DNAH10: variants seen among roughly 807,000 people sequenced by gnomAD.
The protein encoded by DNAH10 is axonemal beta dynein heavy chain 10.
Under a neutral mutation model 506.6 loss-of-function variants are expected in DNAH10, and 348 were observed. The ratio of observed to expected loss-of-function variants is 0.69; its 90% CI spans 0.63 to 0.75. The LOEUF is 0.75. Among genes scored for constraint, DNAH10 ranks in the 30% least tolerant of loss-of-function variants. The pLI is 0.00. For synonymous variants in DNAH10, 2,059 were observed against 2,198.6 expected, an observed-to-expected ratio of 0.94 and a Z score of 1.78; for missense variants, 5,179 against 5,787.1, an observed-to-expected ratio of 0.89 and a Z score of 3.41.
chr12:123,910,076 GC>G (rs1416506733), intron 58 of DNAH10, among the ~76,000 whole-genome samples: 3 of 152,174 alleles, frequency 2.0e-5, no homozygotes, highest in Non-Finnish European at 4.4e-5. Context: ...CTTTTTCTTA[GC>G]CCCTTAAAAA....
At chr12:123,874,674 G>A (rs2137003793) in intron 46 of DNAH10, among the ~76,000 whole-genome samples, 1 of 151,760 alleles carries the variant, frequency 6.6e-6, no homozygotes, top group East Asian at 1.9e-4. Context: ...CATTATCAAT[G>A]TATGAATTAA....
chr12:123,795,124 G>C (rs1192706518), intron 12 of DNAH10, among the ~76,000 whole-genome samples: 1 of 145,262 alleles, frequency 6.9e-6, no homozygotes, highest in Admixed American at 7.0e-5. Flanking sequence ...CTCCAGCCTG[G>C]GCGACGAGTG....
intron 11 of DNAH10, among the ~76,000 whole-genome samples, chr12:123,792,012 C>G (rs911970328): frequency 6.6e-6 from 1 of 152,094 alleles, no homozygotes; most frequent in African/African-American, 2.4e-5. Context: ...TGGTTATTTT[C>G]TGATTTATTA....
At chr12:123,899,246 CCT>C (rs1245967841) in intron 56 of DNAH10, among the ~76,000 whole-genome samples, 2 of 152,148 alleles carry the variant, frequency 1.3e-5, no homozygotes, top group African/African-American at 4.8e-5. Context: ...CTTGGCCGAG[CCT>C]CTGTGTCACC....
chr12:123,783,663 G>T (rs904065070), intron 7 of DNAH10, among the ~76,000 whole-genome samples: 5 of 152,194 alleles, frequency 3.3e-5, no homozygotes, highest in Non-Finnish European at 5.9e-5. Context: ...CCCTTTCTAG[G>T]GGCTGGAGAG....
intron 5 of DNAH10, among the ~76,000 whole-genome samples, chr12:123,779,713 A>G (rs1241369389): frequency 6.6e-6 from 1 of 152,150 alleles, no homozygotes; most frequent in African/African-American, 2.4e-5. Context: ...GGAAATACAC[A>G]TCACAGAGGA....
chr12:123,799,210 A>G (rs1469630006), intron 13 of DNAH10, 36 bp from the exon 14 acceptor site: 4 of 1,577,652 alleles, frequency 2.5e-6, no homozygotes, highest in Non-Finnish European at 3.5e-6. Flanking sequence ...TGTTATTTTC[A>G]AGGACAAAAT....
At chr12:123,878,223 C>T (rs1332968675) in intron 48 of DNAH10, among the ~76,000 whole-genome samples, 2 of 152,202 alleles carry the variant, frequency 1.3e-5, no homozygotes, top group African/African-American at 4.8e-5. Flanking sequence ...GCCTTTTGCT[C>T]ACATAACTCA....
Position 123,929,262 on chromosome 12 carries a change from T to G in DNAH10, c.12307-13T>G. ...GCGGTCTCCATCACTGTGTGTTTTC[T>G]TCTCTTCTGAAGGTTGTCACCGAGC... is the stretch of plus-strand genomic sequence containing the variant. On this transcript the variant is annotated splice_polypyrimidine_tract_variant and intron_variant, in intron 70 of 78. Coordinates refer to ENST00000673944, the MANE Select transcript of DNAH10 (RefSeq NM_001372106.1). 2.5e-6 allele frequency: 4 copies of G among 1,574,734 alleles called. No individual in the cohort carries two copies. In the South Asian group the frequency reaches 3.5e-5, roughly 14 times the overall value.
At position 123,902,865 on chromosome 12, in the gene DNAH10, TC is replaced by T; in HGVS notation, c.9641-73del. 1 of 1,489,004 alleles carries T rather than the reference TC, an allele frequency of 6.7e-7. No homozygotes were observed. Among genetic ancestry groups the T allele is most frequent in the Non-Finnish European group, 9.0e-7 (1 of 1,114,152 alleles). The allele number at this position is 1,489,004 out of a possible 1,614,324, so 92.2% of individuals were successfully genotyped here. On this transcript the variant is annotated intron_variant, in intron 56 of 78. Transcript: ENST00000673944. This position sits in a 1 kb window ranked among gnomAD's most constrained non-coding sequence, Gnocchi z 4.5. ...TCAAGCCAACCTTTGAGGACTGCAC[TC>T]TGCTCAGAGCCGGGGCCGCGAGTGC...
chr12:123,913,064 T>C lies in DNAH10; in HGVS notation c.10135-34T>C. 3 of 1,576,738 alleles carry C rather than the reference T, an allele frequency of 1.9e-6. No individual in the cohort carries two copies. The highest frequency in any genetic ancestry group is 2.6e-6 in the Non-Finnish European group (3 of 1,160,714). ...GGGATCGCGGCCCCACCACGGTCCT[T>C]TTCCCCATCTTTTTGCAAATTGTCT... On this transcript the variant is annotated intron_variant, in intron 59 of 78. Transcript: ENST00000673944. The surrounding 1 kb of genome is among the most constrained non-coding windows in gnomAD (Gnocchi z 5.1).
At position 123,903,628 on chromosome 12, in the gene DNAH10, G is replaced by C. The variant is rs929388822; in HGVS notation, c.9815+515G>C. ...GCAAATCAATCTGTAAGATGACCCT[G>C]TCCCCCACACCAGAGGGCTCATCTG... On this transcript the variant is annotated intron_variant, in intron 57 of 78. Transcript: ENST00000673944. The surrounding 1 kb of genome is among the most constrained non-coding windows in gnomAD (Gnocchi z 4.6). 6.6e-6 allele frequency among the ~76,000 whole-genome samples: 1 copy of C among 152,214 alleles called. No individual in the cohort carries two copies. Among genetic ancestry groups the C allele is most frequent in the African/African-American group, 2.4e-5 (1 of 41,448 alleles).
chr12:123,929,602 G>GTT, intron 71 of DNAH10, 62 bp from the exon 72 acceptor site: 7 of 1,577,848 alleles, frequency 4.4e-6, no homozygotes, highest in Non-Finnish European at 6.0e-6. Flanking sequence ...TTTCAGAAAA[G>GTT]TATCAGAATG....
At chr12:123,866,187 C>T in intron 41 of DNAH10, 114 bp downstream of exon 41, 1 of 704,926 alleles carries the variant, frequency 1.4e-6, no homozygotes, top group Non-Finnish European at 2.0e-6. Context: ...TTGACCTGCC[C>T]ATGTCCCTGA....
chr12:123,847,143 TATCCATCC>T (rs57589181), intron 32 of DNAH10, among the ~76,000 whole-genome samples: 7,103 of 144,852 alleles, frequency 0.049, 481 homozygotes, highest in African/African-American at 0.15. Context: ...TCCATCTACA[TATCCATCC>T]ATCCATCCAT....
chr12:123,917,715 G>T lies in DNAH10; in HGVS notation c.11134G>T (p.Asp3712Tyr). The T allele has an allele frequency of 1.3e-6, 2 of 1,563,192 alleles. No individual in the cohort carries two copies. The highest frequency in any genetic ancestry group is 1.7e-6 in the Non-Finnish European group (2 of 1,153,950). The change falls in exon 64 of 79, where the codon GAT (aspartate) becomes TAT (tyrosine). Residue 3712 changes from aspartate (D) to tyrosine (Y), a missense_variant. This residue lies in a region of DNAH10 where 4,844 missense variants were observed against 5,430.5 expected (regional missense o/e 0.89). Coordinates refer to ENST00000673944, the MANE Select transcript of DNAH10 (RefSeq NM_001372106.1). This position sits in a 1 kb window ranked among gnomAD's most constrained non-coding sequence, Gnocchi z 5.6. ...CAAGAACCTGCTCAAGGACCTGGAA[G>T]ATTCCCTCCTTCGGGAGCTGGCCAC... ...ENKNLLKDLE[D>Y]SLLRELATST...
At chr12:123,834,588 A>G (rs1316245279) in intron 27 of DNAH10, among the ~76,000 whole-genome samples, 1 of 152,240 alleles carries the variant, frequency 6.6e-6, no homozygotes, top group Non-Finnish European at 1.5e-5. Context: ...GACATTTAGT[A>G]CATTCACAGT....
intron 57 of DNAH10, among the ~76,000 whole-genome samples, chr12:123,906,529 A>AC (rs1455233669): frequency 5.9e-5 from 9 of 152,242 alleles, no homozygotes; most frequent in Admixed American, 2.0e-4. Flanking sequence ...GGCATGAGCC[A>AC]CCGCACCCGA....
At position 123,924,317 on chromosome 12, in the gene DNAH10, G is replaced by C; in HGVS notation, c.11651G>C (p.Cys3884Ser). 1.2e-6 allele frequency: 2 copies of C among 1,612,734 alleles called. No individual in the cohort carries two copies. The highest frequency in any genetic ancestry group is 1.7e-6 in the Non-Finnish European group (2 of 1,179,152). The change falls in exon 67 of 79, where the codon TGC becomes TCC. Residue 3884 changes from cysteine (C) to serine (S), a missense_variant. Around this residue, in one of 3 missense-constraint regions of DNAH10, gnomAD observed 4,844 missense variants for 5,430.5 expected, o/e 0.89. Transcript: ENST00000673944. ...SLEKSKRKKPCAWLSDQGWED... is the reference protein window; with the variant it reads ...SLEKSKRKKPSAWLSDQGWED... ...GAGAAAAGCAAAAGAAAAAAGCCCT[G>C]CGCTTGGTTGTCTGACCAAGGATGG...
Sources: allele counts gnomAD v4.1 joint callset (sites outside exome capture counted in the v4.1 genomes callset), GRCh38; gene constraint gnomAD v4.1.1; regional missense constraint gnomAD v4.1.1; non-coding constraint Gnocchi (gnomAD v3.1); transcripts MANE v1.5; gene names NCBI Gene and HGNC (gene_info 2026-07-23, HGNC 2026-07-21).